The following EYS variants were observed in gnomAD, a reference collection of about 807,000 sequenced individuals.
The protein encoded by EYS is EGF-like photoreceptor maintenance factor, also known as protein eyes shut homolog.
EYS carries 250 observed loss-of-function variants against 282.1 expected under a neutral mutation model. The observed-to-expected ratio is 0.89, with a 90% CI of 0.80 to 0.98. The LOEUF (loss-of-function observed/expected upper bound fraction) is 0.98. Ranked by LOEUF, EYS falls within the 50% of genes least tolerant of loss-of-function variation. EYS has a pLI of 0.00. For synonymous variants in EYS, 1,355 were observed against 1,282.9 expected, an observed-to-expected ratio of 1.06 and a Z score of -1.20; for missense variants, 4,016 against 3,709.0, an observed-to-expected ratio of 1.08 and a Z score of -2.15.
chr6:65,690,561 A>C (rs997641342), intron 1 of EYS, among the ~76,000 whole-genome samples: 1 of 149,966 alleles, frequency 6.7e-6, no homozygotes, highest in Non-Finnish European at 1.5e-5. Context: ...CTGTTGGCTC[A>C]TTCTGGCAGT....
At chr6:65,418,926 T>C (rs184699156) in intron 5 of EYS, among the ~76,000 whole-genome samples, 6 of 152,156 alleles carry the variant, frequency 3.9e-5, no homozygotes, top group African/African-American at 1.2e-4. Flanking sequence ...GAAGCCTCTC[T>C]ACATCTAATT....
intron 40 of EYS, among the ~76,000 whole-genome samples, chr6:63,773,163 G>C (rs1176694882): frequency 1.3e-5 from 2 of 152,106 alleles, no homozygotes; most frequent in African/African-American, 2.4e-5. Flanking sequence ...AAATTAGTTT[G>C]CTCTAATACA....
intron 35 of EYS, among the ~76,000 whole-genome samples, chr6:63,865,956 TGTAA>T (rs1407742265): frequency 2.0e-5 from 3 of 152,184 alleles, no homozygotes; most frequent in African/African-American, 7.2e-5. Context: ...AGGCTTATCC[TGTAA>T]GTAATCAGTA....
intron 12 of EYS, 126 bp from the exon 13 acceptor site, chr6:65,057,853 A>G: frequency 1.5e-6 from 1 of 659,542 alleles, no homozygotes; most frequent in Non-Finnish European, 2.7e-6. Flanking sequence ...TTTATTAGAT[A>G]AGAATGCCAC....
At position 63,777,877 on chromosome 6, in the gene EYS, C is replaced by G; in HGVS notation, c.7898+129G>C. ...CCTGTCCTCCCATCATGTAACAAGT[C>G]TACATAAGAACATTTTAAATATGTG... On this transcript the variant is annotated intron_variant, in intron 40 of 42. Coordinates refer to ENST00000503581, the MANE Select transcript of EYS (RefSeq NM_001142800.2). The G allele has an allele frequency of 3.4e-6, 3 of 892,488 alleles. No individual in the cohort carries two copies. The East Asian group carries it at 8.0e-5, about 24-fold the overall frequency. The allele number at this position is 892,488 out of a possible 1,614,324, so 55.3% of individuals were successfully genotyped here.
intron 31 of EYS, among the ~76,000 whole-genome samples, chr6:64,213,730 G>A (rs2150329073): frequency 6.6e-6 from 1 of 152,080 alleles, no homozygotes; most frequent in East Asian, 1.9e-4. Flanking sequence ...GGGCATTTTA[G>A]AAGACAGCAT....
intron 30 of EYS, among the ~76,000 whole-genome samples, chr6:64,231,349 A>C (rs1397701443): frequency 6.6e-6 from 1 of 152,128 alleles, no homozygotes; most frequent in Admixed American, 6.6e-5. Context: ...ACAATAAATA[A>C]TGAACAACAA....
At chr6:65,519,124 A>C (rs773140549) in intron 2 of EYS, among the ~76,000 whole-genome samples, 1 of 152,128 alleles carries the variant, frequency 6.6e-6, no homozygotes, top group Non-Finnish European at 1.5e-5. Flanking sequence ...GAGTTGTTTT[A>C]CAATTTGGTA....
chr6:64,128,335 A>G (rs1773853657), intron 31 of EYS, among the ~76,000 whole-genome samples: 1 of 152,172 alleles, frequency 6.6e-6, no homozygotes, highest in Non-Finnish European at 1.5e-5. Context: ...GCATACCATG[A>G]ACTTTCTAAA....
chr6:65,305,578 CA>C (rs1350285954), intron 11 of EYS, among the ~76,000 whole-genome samples: 4 of 152,086 alleles, frequency 2.6e-5, no homozygotes, highest in Non-Finnish European at 5.9e-5. Flanking sequence ...CTCTGAAGAG[CA>C]ATATCTAATT....
At chr6:64,669,606 T>A (rs1439823752) in intron 22 of EYS, among the ~76,000 whole-genome samples, 1 of 152,236 alleles carries the variant, frequency 6.6e-6, no homozygotes. Context: ...TATTTTTATT[T>A]GTGCAATGGA....
intron 22 of EYS, among the ~76,000 whole-genome samples, chr6:64,755,497 TACACACACAC>T (rs56705165): frequency 0.046 from 6,458 of 138,904 alleles, 159 homozygotes; most frequent in East Asian, 0.17. Context: ...AGAACATACA[TACACACACAC>T]ACACACACAC....
chr6:63,965,441 T>A (rs892804122), intron 35 of EYS, among the ~76,000 whole-genome samples: 4 of 152,210 alleles, frequency 2.6e-5, no homozygotes, highest in African/African-American at 9.6e-5. Context: ...TTGTTTTCAA[T>A]TTTAACAGAG....
At chr6:65,463,060 C>T (rs962313291) in intron 5 of EYS, among the ~76,000 whole-genome samples, 1 of 151,970 alleles carries the variant, frequency 6.6e-6, no homozygotes, top group African/African-American at 2.4e-5. Flanking sequence ...TCCCTCTCAC[C>T]ACAGCAGTCA....
intron 8 of EYS, among the ~76,000 whole-genome samples, chr6:65,362,369 G>A (rs1014991167): frequency 2.6e-5 from 4 of 152,046 alleles, no homozygotes; most frequent in East Asian, 1.9e-4. Context: ...CTAGAACATC[G>A]TTACTCCAAG....
intron 36 of EYS, among the ~76,000 whole-genome samples, chr6:63,861,380 A>T (rs572105847): frequency 6.6e-6 from 1 of 152,312 alleles, no homozygotes; most frequent in South Asian, 2.1e-4. Context: ...TCCTAGGCAT[A>T]ATTATCTTTT....
intron 36 of EYS, among the ~76,000 whole-genome samples, chr6:63,828,406 T>C (rs1771533081): frequency 1.4e-5 from 2 of 145,884 alleles, no homozygotes; most frequent in Admixed American, 1.4e-4. Flanking sequence ...ATACAAAAGA[T>C]CATTCAAGGT....
intron 26 of EYS, among the ~76,000 whole-genome samples, chr6:64,455,158 C>T (rs1775511874): frequency 6.6e-6 from 1 of 152,062 alleles, no homozygotes; most frequent in Non-Finnish European, 1.5e-5. Context: ...GCAATCCTCC[C>T]TCCTCTGCCT....
intron 13 of EYS, among the ~76,000 whole-genome samples, chr6:65,018,684 T>C (rs1772140140): frequency 6.6e-6 from 1 of 152,124 alleles, no homozygotes; most frequent in Non-Finnish European, 1.5e-5. Context: ...TTGGTTTTTG[T>C]TTTTTGGTTT....
Sources: allele counts gnomAD v4.1 joint callset (sites outside exome capture counted in the v4.1 genomes callset), GRCh38; gene constraint gnomAD v4.1.1; transcripts MANE v1.5; gene names NCBI Gene and HGNC (gene_info 2026-07-23, HGNC 2026-07-21).